VIPR1: variants seen among roughly 807,000 people sequenced by gnomAD.
The protein encoded by VIPR1 is vasoactive intestinal peptide receptor 1.
VIPR1 carries 59 observed loss-of-function variants against 58.8 expected under a neutral mutation model. That is an observed-to-expected ratio of 1.00 (90% CI 0.81 to 1.25). The LOEUF (loss-of-function observed/expected upper bound fraction) is 1.25, where lower values mean the gene tolerates loss of function less well. VIPR1 is among the 50% of genes most tolerant of loss of function. The pLI is 0.00. For missense variants in VIPR1, 626 were observed against 602.7 expected (o/e 1.04, Z -0.40); for synonymous variants, 251 against 242.1 (o/e 1.04, Z -0.34).
Position 42,531,787 on chromosome 3 carries a change from C to T in VIPR1, c.852-16C>T, listed in dbSNP as rs771853652. ...CTGAGGACAATCCCTCTCATTCCTC[C>T]CCACGGTCTGCTCAGGTGCTGGGAC... On this transcript the variant is annotated splice_polypyrimidine_tract_variant and intron_variant, in intron 8 of 12. Transcript: ENST00000325123. 9 of 1,614,102 alleles carry T rather than the reference C, an allele frequency of 5.6e-6. No individual in the cohort carries two copies. Among genetic ancestry groups the T allele is most frequent in the Middle Eastern group, 1.7e-4 (1 of 6,060 alleles).
At chr3:42,490,112 C>T (rs550829281) in intron 1 of VIPR1, among the ~76,000 whole-genome samples, 1 of 152,220 alleles carries the variant, frequency 6.6e-6, no homozygotes, top group African/African-American at 2.4e-5. Flanking sequence ...TGGGAGCTCC[C>T]AGGGCAGGAG....
At chr3:42,528,256 T>TGCCAGAGGAGAGGTAAGATAG in intron 6 of VIPR1, 133 bp downstream of exon 6, 1 of 1,197,444 alleles carries the variant, frequency 8.4e-7, no homozygotes, top group Non-Finnish European at 1.1e-6. Context: ...AATCCAAGGA[T>TGCCAGAGGAGAGGTAAGATAG]AGCCTAACCC....
At chr3:42,513,666 G>T in intron 1 of VIPR1, 83 bp from the exon 2 acceptor site, 1 of 1,398,722 alleles carries the variant, frequency 7.1e-7, no homozygotes, top group South Asian at 1.3e-5. Flanking sequence ...TCCAGGGAGA[G>T]GGCAGGTGCA....
chr3:42,531,978 C>A, intron 9 of VIPR1, 109 bp downstream of exon 9: 1 of 1,280,122 alleles, frequency 7.8e-7, no homozygotes, highest in Admixed American at 1.9e-5. Context: ...TGAAACGTAG[C>A]TTCCTAATGC....
chr3:42,531,601 G>A (rs1447408166), intron 8 of VIPR1, 70 bp downstream of exon 8: 3 of 1,577,308 alleles, frequency 1.9e-6, no homozygotes, highest in South Asian at 1.1e-5. Context: ...GGATGATAAT[G>A]CCATCTGGCC....
chr3:42,535,192 C>T (rs2125681724), intron 11 of VIPR1, 88 bp downstream of exon 11: 2 of 1,603,006 alleles, frequency 1.2e-6, no homozygotes, highest in Non-Finnish European at 1.7e-6. Flanking sequence ...TGGATTCCAA[C>T]CTTTTTACTG....
chr3:42,502,718 G>A lies in VIPR1; in HGVS notation c.-18G>A. On this transcript the variant is annotated 5_prime_UTR_variant, in exon 1 of 13. Coordinates refer to ENST00000325123, the MANE Select transcript of VIPR1 (RefSeq NM_004624.4). ...CTTTGCCCGCGCGGGGCCGCCCGCC[G>A]CGGGCTCAGGGCAGACCATGCGCCC... 1 of 1,290,030 alleles carries A rather than the reference G, an allele frequency of 7.8e-7. No homozygotes were observed. The highest frequency in any genetic ancestry group is 9.8e-7 in the Non-Finnish European group (1 of 1,023,576). 79.9% of individuals were successfully genotyped at this position (1,290,030 alleles called of 1,614,324 possible). A position where few individuals can be genotyped will look rare whatever the true frequency, so the allele number is the denominator to read the frequency against.
intron 1 of VIPR1, among the ~76,000 whole-genome samples, chr3:42,491,968 A>G (rs560752768): frequency 6.6e-6 from 1 of 152,304 alleles, no homozygotes; most frequent in African/African-American, 2.4e-5. Context: ...AATTGTGGTG[A>G]ACAGGTGAAC....
At chr3:42,532,379 G>A (rs777247229) in intron 10 of VIPR1, 46 bp downstream of exon 10, 1 of 1,568,096 alleles carries the variant, frequency 6.4e-7, no homozygotes, top group South Asian at 1.1e-5. Flanking sequence ...TCCATCCCCA[G>A]TCCTCAAATC....
In VIPR1 at chr3:42,530,750, G is replaced by A. The variant is rs567119749; in HGVS notation, c.637-29G>A. 5.0e-6 allele frequency: 8 copies of A among 1,610,850 alleles called. No homozygotes were observed. The South Asian group carries it at 7.7e-5, about 16-fold the overall frequency. ...GTCAAGGACCCTTGACAGCCCCAGT[G>A]AACCCCGTCTTTTCTCCTCCCCCTG... On this transcript the variant is annotated intron_variant, in intron 6 of 12. Transcript: ENST00000325123.
intron 12 of VIPR1, 77 bp downstream of exon 12, chr3:42,535,461 T>G: frequency 6.6e-7 from 1 of 1,513,206 alleles, no homozygotes; most frequent in Non-Finnish European, 9.2e-7. Context: ...GTGGGATATG[T>G]GCAGAGCAAG....
intron 2 of VIPR1, chr3:42,516,579 G>C (rs1218149807): frequency 6.6e-6 from 1 of 152,296 alleles, no homozygotes; most frequent in Non-Finnish European, 1.5e-5. Flanking sequence ...CCCAGCCCCG[G>C]ATTCACTCCC....
chr3:42,495,469 T>G (rs922544278), intron 1 of VIPR1, among the ~76,000 whole-genome samples: 1 of 152,088 alleles, frequency 6.6e-6, no homozygotes, highest in African/African-American at 2.4e-5. Context: ...CAGTTGAGAA[T>G]CCCCTGTGTA....
Position 42,513,040 on chromosome 3 carries a change from C to T in VIPR1, c.79-709C>T, listed in dbSNP as rs1577215093. ...AGAGGAGAAGCTTGGACTTTTCCATCCCTTCTCTTCACCTTCCAGAAGCAG... is the reference window on the plus strand; with the variant it reads ...AGAGGAGAAGCTTGGACTTTTCCATTCCTTCTCTTCACCTTCCAGAAGCAG... On this transcript the variant is annotated intron_variant, in intron 1 of 12. Transcript: ENST00000325123. The T allele has an allele frequency of 4.5e-6, 4 of 888,628 alleles. No homozygotes were observed. The South Asian group carries it at 1.5e-4, about 34-fold the overall frequency. 55.0% of individuals were successfully genotyped at this position (888,628 alleles called of 1,614,324 possible).
At chr3:42,536,047 G>T (rs1218806224) in intron 12 of VIPR1, 43 bp from the exon 13 acceptor site, 2 of 1,535,462 alleles carry the variant, frequency 1.3e-6, no homozygotes, top group African/African-American at 1.4e-5. Flanking sequence ...AGCAGTGGAA[G>T]AGGCTCCACA....
intron 8 of VIPR1, 51 bp from the exon 9 acceptor site, chr3:42,531,752 C>A: frequency 6.2e-7 from 1 of 1,610,922 alleles, no homozygotes; most frequent in Non-Finnish European, 8.5e-7. Context: ...GCTGCTGAGT[C>A]TCTCTCTGGC....
intron 3 of VIPR1, among the ~76,000 whole-genome samples, chr3:42,524,132 C>G (rs978993579): frequency 6.6e-6 from 1 of 152,190 alleles, no homozygotes; most frequent in African/African-American, 2.4e-5. Flanking sequence ...CTGTTTTCTA[C>G]CTGCCTGAGC....
At chr3:42,504,902 CAAAAAAAAAAAA>C (rs56310463) in intron 1 of VIPR1, among the ~76,000 whole-genome samples, 7 of 52,972 alleles carry the variant, frequency 1.3e-4, no homozygotes, top group East Asian at 5.2e-4. Flanking sequence ...AAAAGGGAGG[CAAAAAAAAAAAA>C]AAAAAAAAAA....
chr3:42,536,138 G>T lies in VIPR1; in HGVS notation c.1231G>T (p.Val411Phe), dbSNP rs754052914. Residue 411 changes from valine to phenylalanine, a missense_variant, in exon 13 of 13, where the codon GTC becomes TTC. By Grantham distance (50) the Val-to-Phe change is conservative (BLOSUM62 -1). Coordinates refer to ENST00000325123, the MANE Select transcript of VIPR1 (RefSeq NM_004624.4). Reference sequence around the variant, plus strand: ...GTGGCGGCGCTGGCACCTGCAGGGCGTCCTGGGCTGGAACCCCAAATACCG... The same window carrying T: ...GTGGCGGCGCTGGCACCTGCAGGGCTTCCTGGGCTGGAACCCCAAATACCG... ...RKWRRWHLQG[V>F]LGWNPKYRHP... The T allele has an allele frequency of 9.3e-6, 15 of 1,606,178 alleles. No individual in the cohort carries two copies. The East Asian group carries it at 1.3e-4, about 14-fold the overall frequency.
Sources: allele counts gnomAD v4.1 joint callset (sites outside exome capture counted in the v4.1 genomes callset), GRCh38; gene constraint gnomAD v4.1.1; transcripts MANE v1.5; gene names NCBI Gene and HGNC (gene_info 2026-07-23, HGNC 2026-07-21).